USP37: variants seen among roughly 807,000 people sequenced by gnomAD.
USP37 encodes ubiquitin specific peptidase 37.
USP37 carries 27 observed loss-of-function variants against 124.0 expected under a neutral mutation model. That is an observed-to-expected ratio of 0.22 (90% CI 0.16 to 0.30). The LOEUF is 0.30. Ranked by LOEUF, USP37 falls within the 10% of genes least tolerant of loss-of-function variation. The probability of loss-of-function intolerance (pLI) is 1.00; values close to 1 mark genes in which losing one functional copy is unlikely to be tolerated. For missense variants in USP37, 889 were observed against 1,140.4 expected, an observed-to-expected ratio of 0.78 and a Z score of 3.17; for synonymous variants, 365 against 388.0, an observed-to-expected ratio of 0.94 and a Z score of 0.70.
chr2:218,496,912 A>G (rs906200913), intron 13 of USP37, among the ~76,000 whole-genome samples: 1 of 151,896 alleles, frequency 6.6e-6, no homozygotes, highest in African/African-American at 2.4e-5. Flanking sequence ...CGGCCTCTCA[A>G]AGTGCTGGGA....
At chr2:218,556,866 C>T (rs1446103896) in intron 4 of USP37, among the ~76,000 whole-genome samples, 1 of 151,786 alleles carries the variant, frequency 6.6e-6, no homozygotes, top group Non-Finnish European at 1.5e-5. Flanking sequence ...GCTGTGTATA[C>T]TTACCAGCCC....
intron 20 of USP37, 82 bp downstream of exon 20, chr2:218,474,548 T>G: frequency 6.5e-7 from 1 of 1,545,730 alleles, no homozygotes; most frequent in Non-Finnish European, 8.7e-7. Flanking sequence ...TTATCTCCCG[T>G]TATTTGGAGG....
At chr2:218,486,174 G>T (rs1251652121) in intron 15 of USP37, 1 of 154,016 alleles carries the variant, frequency 6.5e-6, no homozygotes, top group East Asian at 1.9e-4. Context: ...TTCGCATAAT[G>T]GAACTCAATC....
At chr2:218,502,971 A>G (rs1689464934) in intron 11 of USP37, among the ~76,000 whole-genome samples, 1 of 152,244 alleles carries the variant, frequency 6.6e-6, no homozygotes, top group African/African-American at 2.4e-5. Flanking sequence ...CAGAAATTAT[A>G]CAAAAAAGAA....
chr2:218,495,723 A>C, intron 14 of USP37, 37 bp downstream of exon 14: 1 of 1,558,536 alleles, frequency 6.4e-7, no homozygotes, highest in African/African-American at 1.4e-5. Flanking sequence ...TGCCATAAAG[A>C]AGTAAAAAGG....
At chr2:218,502,255 A>G (rs955033477) in intron 11 of USP37, among the ~76,000 whole-genome samples, 1 of 152,210 alleles carries the variant, frequency 6.6e-6, no homozygotes, top group African/African-American at 2.4e-5. Flanking sequence ...AATCATAAAC[A>G]TAATGAGAGA....
intron 14 of USP37, among the ~76,000 whole-genome samples, chr2:218,490,457 A>G (rs555089344): frequency 2.6e-5 from 4 of 152,352 alleles, no homozygotes; most frequent in African/African-American, 9.6e-5. Context: ...GTGAGCTCAG[A>G]GATTAAAACA....
At chr2:218,546,385 A>T in intron 7 of USP37, 87 bp from the exon 8 acceptor site, 1 of 846,438 alleles carries the variant, frequency 1.2e-6, no homozygotes, top group South Asian at 1.5e-5. Flanking sequence ...AGGACAGGAA[A>T]TGGGACTACT....
chr2:218,466,469 C>A (rs534524061), intron 20 of USP37, among the ~76,000 whole-genome samples: 1 of 151,878 alleles, frequency 6.6e-6, no homozygotes, highest in South Asian at 2.1e-4. Context: ...TAGCATCCAC[C>A]CTCTACAGTT....
intron 21 of USP37, among the ~76,000 whole-genome samples, chr2:218,464,239 CTT>C (rs71403042): frequency 4.2e-5 from 6 of 142,758 alleles, no homozygotes; most frequent in Admixed American, 7.0e-5. Flanking sequence ...AATTAGATTT[CTT>C]TTTTTTTTTT....
chr2:218,485,724 G>C lies in USP37; in HGVS notation c.1610C>G (p.Ser537Cys). Reference protein sequence around the residue: ...LFFRAEELEYSCEKCGGKCAL... With the variant: ...LFFRAEELEYCCEKCGGKCAL... ...ACACTTCCCACCACACTTCTCACAA[G>C]AATACTCCAGTTCTTCGGCCTATAA... The change falls in exon 16 of 26, where the codon TCT becomes TGT. Residue 537 changes from serine (S) to cysteine (C), a missense_variant. Physicochemically the swap from Ser to Cys is moderately radical, Grantham distance 112. This residue lies in a region of USP37 where 504 missense variants were observed against 714.3 expected (regional missense o/e 0.71). Coordinates refer to ENST00000258399, the MANE Select transcript of USP37 (RefSeq NM_020935.3). The C allele has an allele frequency of 6.2e-7, 1 of 1,605,076 alleles. No individual in the cohort carries two copies. The highest frequency in any genetic ancestry group is 8.5e-7 in the Non-Finnish European group (1 of 1,177,424).
In USP37 at chr2:218,495,849, A is replaced by C; in HGVS notation, c.1383T>G (p.Asn461Lys). The change falls in exon 14 of 26, where the codon AAT becomes AAG. Residue 461 changes from asparagine to lysine, a missense_variant. Physicochemically the swap from Asn to Lys is moderately conservative, Grantham distance 94. Coordinates refer to ENST00000258399, the MANE Select transcript of USP37 (RefSeq NM_020935.3). ...WKTEPVSGEE[N>K]SPDISATRAY... is the part of the protein sequence containing the mutation. ...CTCTGGTAGCTGAAATATCTGGTGAATTTTCTTCTCCAGAAACAGGTTCAG... is the reference window on the plus strand; with the variant it reads ...CTCTGGTAGCTGAAATATCTGGTGACTTTTCTTCTCCAGAAACAGGTTCAG... 1 of 1,613,940 alleles carries C rather than the reference A, an allele frequency of 6.2e-7. No homozygotes were observed. The highest frequency in any genetic ancestry group is 8.5e-7 in the Non-Finnish European group (1 of 1,180,016).
chr2:218,478,144 C>T (rs760690288), intron 18 of USP37, among the ~76,000 whole-genome samples: 7 of 151,926 alleles, frequency 4.6e-5, no homozygotes, highest in Non-Finnish European at 8.8e-5. Flanking sequence ...GAGTGGAAAT[C>T]AGGAAGATTA....
intron 8 of USP37, among the ~76,000 whole-genome samples, chr2:218,540,162 C>T (rs1691894767): frequency 6.6e-6 from 1 of 152,082 alleles, no homozygotes; most frequent in Non-Finnish European, 1.5e-5. Context: ...GGTTACTTAA[C>T]ATAAACACAG....
Position 218,484,839 on chromosome 2 carries a change from G to C in USP37, c.1670+825C>G, listed in dbSNP as rs1029533077. Among the ~76,000 whole-genome samples the C allele has an allele frequency of 2.6e-5, 4 of 152,054 alleles. No homozygotes were observed. In the East Asian group the frequency reaches 5.8e-4, roughly 22 times the overall value. ...AATACTTAATGTTAATAACAACCTTGGTGTTTGCGATCTATTCTTGGAAAG... is the reference window on the plus strand; with the variant it reads ...AATACTTAATGTTAATAACAACCTTCGTGTTTGCGATCTATTCTTGGAAAG... On this transcript the variant is annotated intron_variant, in intron 16 of 25. Transcript: ENST00000258399.
chr2:218,554,064 CTT>C (rs1302350737), intron 4 of USP37, among the ~76,000 whole-genome samples: 1 of 152,118 alleles, frequency 6.6e-6, no homozygotes, highest in Non-Finnish European at 1.5e-5. Context: ...ACCATGAAAA[CTT>C]TTTATTTTAT....
chr2:218,507,241 T>C (rs931039958), intron 11 of USP37, among the ~76,000 whole-genome samples: 80 of 152,088 alleles, frequency 5.3e-4, no homozygotes, highest in African/African-American at 1.9e-3. Context: ...CTCACTGCAC[T>C]CTGCCTCCCT....
chr2:218,533,269 A>G (rs1321404198), intron 9 of USP37, among the ~76,000 whole-genome samples: 1 of 152,188 alleles, frequency 6.6e-6, no homozygotes, highest in Admixed American at 6.5e-5. Context: ...AACAGTGCTA[A>G]TAACATTTCT....
At chr2:218,455,912 GGCGT>G (rs1689675248) in intron 24 of USP37, among the ~76,000 whole-genome samples, 194 bp from the exon 25 acceptor site, 1 of 152,092 alleles carries the variant, frequency 6.6e-6, no homozygotes, top group African/African-American at 2.4e-5. Flanking sequence ...CAGGCATGGT[GGCGT>G]GCGCCTGTAG....
Sources: gnomAD v4.1 joint callset for allele counts (sites outside exome capture counted in the v4.1 genomes callset) on GRCh38, gnomAD v4.1.1 for gene constraint, gnomAD v4.1.1 regional missense constraint, MANE v1.5 for transcripts, NCBI Gene and HGNC (gene_info 2026-07-23, HGNC 2026-07-21) for gene names.